INPP5J: variants seen among roughly 807,000 people sequenced by gnomAD.
The protein encoded by INPP5J is phosphatidylinositol 4,5-bisphosphate 5-phosphatase A.
In INPP5J, 75 loss-of-function variants were observed where a neutral mutation model predicts 86.6. The ratio of observed to expected loss-of-function variants is 0.87; its 90% CI spans 0.72 to 1.05. INPP5J has a LOEUF of 1.05. Ranked by LOEUF, INPP5J falls within the 50% of genes least tolerant of loss-of-function variation. INPP5J has a pLI of 0.00. For missense variants in INPP5J, 1,229 were observed against 1,341.2 expected (o/e 0.92, Z 1.31); for synonymous variants, 540 against 550.0 (o/e 0.98, Z 0.25).
At position 31,127,996 on chromosome 22, in the gene INPP5J, T is replaced by C. The variant is rs1458888527; in HGVS notation, c.1833T>C (p.Tyr611=). Residue 611 remains tyrosine (Y), a synonymous_variant, in exon 7 of 13, where the codon TAT becomes TAC. Transcript: ENST00000331075. ...ACCTGAACTTCCGCATTGAGAGCTA[T>C]GACCTGCACTTTGTCAAGTTTGCCA... is the stretch of plus-strand genomic sequence containing the variant. ...FGDLNFRIES[Y]DLHFVKFAID... 9.9e-6 allele frequency: 16 copies of C among 1,609,694 alleles called. No homozygotes were observed. Among genetic ancestry groups the C allele is most frequent in the Middle Eastern group, 3.3e-4 (2 of 6,052 alleles).
chr22:31,130,645 T>C (rs1921984780), intron 9 of INPP5J, among the ~76,000 whole-genome samples: 1 of 152,220 alleles, frequency 6.6e-6, no homozygotes, highest in Non-Finnish European at 1.5e-5. Context: ...CATTCATTCA[T>C]ATTCATTCAT....
chr22:31,133,749 A>G, intron 12 of INPP5J, 35 bp downstream of exon 12: 3 of 1,587,246 alleles, frequency 1.9e-6, no homozygotes, highest in Non-Finnish European at 2.6e-6. Flanking sequence ...GGGGGTGCCT[A>G]AAGACTTTTG....
In INPP5J at chr22:31,127,920, C is replaced by G. The variant is rs771327837; in HGVS notation, c.1788-31C>G. The G allele has an allele frequency of 1.0e-5, 13 of 1,297,972 alleles. No individual in the cohort carries two copies. The South Asian group carries it at 1.1e-4, about 11-fold the overall frequency. The allele number at this position is 1,297,972 out of a possible 1,614,324, so 80.4% of individuals were successfully genotyped here. On this transcript the variant is annotated intron_variant, in intron 6 of 12. Transcript: ENST00000331075. Reference sequence around the variant, plus strand: ...ACCTGTTGACACCCCCCACTGCCCCCCACATCTCTCCCATCCCCCACCCCA... The same window carrying G: ...ACCTGTTGACACCCCCCACTGCCCCGCACATCTCTCCCATCCCCCACCCCA...
Position 31,133,394 on chromosome 22 carries a change from C to G in INPP5J, c.2332-12C>G. 1 of 1,613,616 alleles carries G rather than the reference C, an allele frequency of 6.2e-7. No homozygotes were observed. Among genetic ancestry groups the G allele is most frequent in the Non-Finnish European group, 8.5e-7 (1 of 1,179,630 alleles). On this transcript the variant is annotated splice_polypyrimidine_tract_variant and intron_variant, in intron 10 of 12. Coordinates refer to ENST00000331075, the MANE Select transcript of INPP5J (RefSeq NM_001284285.2). Reference sequence around the variant, plus strand: ...GGGTCACAACACTGATTCCACAACACTGATCCCCCAGGTGGGTTTCCGCCA... The same window carrying G: ...GGGTCACAACACTGATTCCACAACAGTGATCCCCCAGGTGGGTTTCCGCCA...
In INPP5J at chr22:31,134,387, C is replaced by A; in HGVS notation, c.2989C>A (p.Arg997=). The A allele has an allele frequency of 6.8e-7, 1 of 1,477,462 alleles. No homozygotes were observed. The allele number at this position is 1,477,462 out of a possible 1,614,324, so 91.5% of individuals were successfully genotyped here. Residue 997 remains arginine (R), a synonymous_variant, in exon 13 of 13, where the codon CGG becomes AGG. Transcript: ENST00000331075. The part of the protein sequence containing the change: ...NSLSPSPQGH[R]GLEEGGLGP ...CCTGTCTCCTAGTCCCCAGGGCCAT[C>A]GGGGGCTGGAGGAAGGGGGCCTGGG...
chr22:31,126,884 G>A, intron 4 of INPP5J, 37 bp from the exon 5 acceptor site: 2 of 1,518,588 alleles, frequency 1.3e-6, no homozygotes, highest in Non-Finnish European at 1.8e-6. Context: ...CGGGGGAGTT[G>A]TGTTCTGTCC....
At chr22:31,133,513 A>C (rs1247593557) in intron 11 of INPP5J, 30 bp downstream of exon 11, 1 of 1,607,972 alleles carries the variant, frequency 6.2e-7, no homozygotes, top group East Asian at 2.2e-5. Context: ...GAGTCAGGGC[A>C]AGTCCTTGTT....
Position 31,125,675 on chromosome 22 carries a change from T to G in INPP5J, c.936T>G (p.Pro312=). ...QTLPLDVGQG[P]SEPGTHSPGL... Reference sequence around the variant, plus strand: ...TGCCCTTGGATGTGGGCCAGGGTCCTTCAGAGCCTGGCACTCACTCCCCTG... The same window carrying G: ...TGCCCTTGGATGTGGGCCAGGGTCCGTCAGAGCCTGGCACTCACTCCCCTG... Residue 312 remains proline, a synonymous_variant, in exon 2 of 13, where the codon CCT becomes CCG. Transcript: ENST00000331075. The G allele has an allele frequency of 6.4e-7, 1 of 1,550,646 alleles. No individual in the cohort carries two copies. The highest frequency in any genetic ancestry group is 8.7e-7 in the Non-Finnish European group (1 of 1,146,912).
chr22:31,127,101 G>T, intron 5 of INPP5J, 64 bp downstream of exon 5: 1 of 1,142,552 alleles, frequency 8.8e-7, no homozygotes, highest in South Asian at 1.3e-5. Flanking sequence ...TAGTCCCCCC[G>T]CCCCATGCAC....
chr22:31,123,000 CCGGGGGCTGCAGACATGGAGGGCCAGAG>C lies in INPP5J; in HGVS notation c.-13_15del, dbSNP rs1241874485. Reference sequence around the variant, plus strand: ...GCCGGAGCCAAGGGAGTCCAGGCTGCCGGGGGCTGCAGACATGGAGGGCCAGAGCAGCAGGGGCAGCAGGAGGCCAGGG... The same window carrying C: ...GCCGGAGCCAAGGGAGTCCAGGCTGCCAGCAGGGGCAGCAGGAGGCCAGGG... On this transcript the variant is annotated start_lost and 5_prime_UTR_variant, in exon 1 of 13. Coordinates refer to ENST00000331075, the MANE Select transcript of INPP5J (RefSeq NM_001284285.2). 6 of 1,424,270 alleles carry C rather than the reference CCGGGGGCTGCAGACATGGAGGGCCAGAG, an allele frequency of 4.2e-6. No individual in the cohort carries two copies. Among genetic ancestry groups the C allele is most frequent in the African/African-American group, 1.5e-5 (1 of 66,160 alleles). 88.2% of individuals were successfully genotyped at this position (1,424,270 alleles called of 1,614,324 possible).
chr22:31,127,605 G>A (rs948751201), intron 6 of INPP5J, 73 bp downstream of exon 6: 133 of 1,455,178 alleles, frequency 9.1e-5, no homozygotes, highest in South Asian at 1.2e-4. Context: ...ACCTTGGGTG[G>A]GGCTTATGGA....
chr22:31,125,326 C>T lies in INPP5J; in HGVS notation c.587C>T (p.Pro196Leu), dbSNP rs1285611703. The T allele has an allele frequency of 1.3e-6, 2 of 1,550,564 alleles. No homozygotes were observed. Among genetic ancestry groups the T allele is most frequent in the Non-Finnish European group, 1.7e-6 (2 of 1,146,986 alleles). ...GCCCTGGCTTCTGAGGAGCAGCCCC[C>T]AGAACTCCCCTCCACCCCTTCCCCG... The part of the protein sequence containing the change: ...SLALASEEQP[P>L]ELPSTPSPVP... Residue 196 changes from proline to leucine, a missense_variant, in exon 2 of 13, where the codon CCA becomes CTA. Transcript: ENST00000331075.
At chr22:31,124,796 C>A in intron 1 of INPP5J, 49 bp from the exon 2 acceptor site, 2 of 1,526,120 alleles carry the variant, frequency 1.3e-6, no homozygotes, top group East Asian at 2.3e-5. Flanking sequence ...AGTTGGGGCC[C>A]AATGCCCTGG....
In INPP5J at chr22:31,126,941, G is replaced by A. The variant is rs969166853; in HGVS notation, c.1515G>A (p.Gln505=). 6.2e-7 allele frequency: 1 copy of A among 1,609,854 alleles called. No homozygotes were observed. The highest frequency in any genetic ancestry group is 8.5e-7 in the Non-Finnish European group (1 of 1,178,136). The part of the protein sequence containing the change: ...NFVLVSSVRM[Q]GVILLLFAKY... ...TGCAGGTGAGTTCGGTGAGGATGCA[G>A]GGTGTCATCCTGCTGCTGTTCGCCA... Residue 505 remains glutamine, a synonymous_variant, in exon 5 of 13, where the codon CAG becomes CAA. Transcript: ENST00000331075.
At position 31,127,510 on chromosome 22, in the gene INPP5J, G is replaced by A. The variant is rs772172960; in HGVS notation, c.1765G>A (p.Ala589Thr). The A allele has an allele frequency of 1.2e-5, 20 of 1,613,352 alleles. No homozygotes were observed. The highest frequency in any genetic ancestry group is 5.0e-5 in the Admixed American group (3 of 59,956). Reference protein sequence around the residue: ...LSLQQFQGPGAQGILDHDLVF... With the variant: ...LSLQQFQGPGTQGILDHDLVF... Reference sequence around the variant, plus strand: ...CCTCCAGCAGTTCCAAGGGCCGGGCGCACAGGGCATCCTGGATCATGAGTA... The same window carrying A: ...CCTCCAGCAGTTCCAAGGGCCGGGCACACAGGGCATCCTGGATCATGAGTA... Residue 589 changes from alanine to threonine, a missense_variant, in exon 6 of 13, where the codon GCA (alanine) becomes ACA (threonine). Transcript: ENST00000331075.
At chr22:31,133,362 C>T in intron 10 of INPP5J, 44 bp from the exon 11 acceptor site, 2 of 1,605,786 alleles carry the variant, frequency 1.2e-6, no homozygotes, top group Non-Finnish European at 1.7e-6. Context: ...TGGGATCAGA[C>T]ATTATAGGGT....
Position 31,134,697 on chromosome 22 carries a change from A to C in INPP5J, c.*278A>C. On this transcript the variant is annotated 3_prime_UTR_variant, in exon 13 of 13. Coordinates refer to ENST00000331075, the MANE Select transcript of INPP5J (RefSeq NM_001284285.2). ...ATTAGGAATTAAATTCTCCAGCCTC[A>C]CTCTCGGCTCTTTCCTACTTGTTAG... 2.7e-6 allele frequency: 1 copy of C among 367,524 alleles called. No individual in the cohort carries two copies. Among genetic ancestry groups the C allele is most frequent in the Non-Finnish European group, 4.9e-6 (1 of 206,176 alleles). The allele number at this position is 367,524 out of a possible 1,614,324, so 22.8% of individuals were successfully genotyped here. A position where few individuals can be genotyped will look rare whatever the true frequency, so the allele number is the denominator to read the frequency against.
rs1022242583 is a variant in INPP5J at position 31,134,522 on chromosome 22, G to C, written c.*103G>C. The C allele has an allele frequency of 5.6e-6, 7 of 1,252,946 alleles. No individual in the cohort carries two copies. In the East Asian group the frequency reaches 1.0e-4, roughly 19 times the overall value. 77.6% of individuals were successfully genotyped at this position (1,252,946 alleles called of 1,614,324 possible). A position where few individuals can be genotyped will look rare whatever the true frequency, so the allele number is the denominator to read the frequency against. ...TGCTCCTCCAGCTGTATCTGCACCT[G>C]CCTCTCTGTCCTGGCCAGGGGTGGA... On this transcript the variant is annotated 3_prime_UTR_variant, in exon 13 of 13. Transcript: ENST00000331075.
chr22:31,134,236 C>T lies in INPP5J; in HGVS notation c.2838C>T (p.Gly946=), dbSNP rs369017211. The T allele has an allele frequency of 1.6e-5, 25 of 1,550,412 alleles. No homozygotes were observed. The African/African-American group carries it at 2.3e-4, about 14-fold the overall frequency. ...SSEEGPSGLP[G]PWAFPPAVPR... ...AAGAGGGGCCCTCTGGGTTGCCTGGCCCCTGGGCCTTCCCACCAGCTGTGC... is the reference window on the plus strand; with the variant it reads ...AAGAGGGGCCCTCTGGGTTGCCTGGTCCCTGGGCCTTCCCACCAGCTGTGC... The change falls in exon 13 of 13, where the codon GGC becomes GGT. Residue 946 remains glycine (G), a synonymous_variant. Coordinates refer to ENST00000331075, the MANE Select transcript of INPP5J (RefSeq NM_001284285.2).
Sources: allele counts gnomAD v4.1 joint callset (sites outside exome capture counted in the v4.1 genomes callset), GRCh38; gene constraint gnomAD v4.1.1; transcripts MANE v1.5; gene names NCBI Gene and HGNC (gene_info 2026-07-23, HGNC 2026-07-21).